The following AGAP3 variants were observed in gnomAD, a reference collection of about 807,000 sequenced individuals.
The protein encoded by AGAP3 is ArfGAP with GTPase domain, ankyrin repeat and PH domain 3.
In AGAP3, 24 loss-of-function variants were observed where a neutral mutation model predicts 96.9. The observed-to-expected ratio is 0.25, with a 90% CI of 0.18 to 0.35. The LOEUF (loss-of-function observed/expected upper bound fraction) is 0.35. AGAP3 is among the 10% of genes least tolerant of loss of function. The pLI is 1.00. For synonymous variants in AGAP3, 563 were observed against 536.1 expected (o/e 1.05, Z -0.69); for missense variants, 876 against 1,254.2 (o/e 0.70, Z 4.55).
intron 1 of AGAP3, among the ~76,000 whole-genome samples, chr7:151,111,190 C>T (rs1367237867): frequency 4.6e-5 from 7 of 152,168 alleles, no homozygotes; most frequent in African/African-American, 1.4e-4. Context: ...CCAGCCTTCC[C>T]AGCCACTGCC....
chr7:151,121,915 G>T (rs747697132), intron 8 of AGAP3, among the ~76,000 whole-genome samples: 4 of 152,190 alleles, frequency 2.6e-5, no homozygotes, highest in Non-Finnish European at 5.9e-5. Flanking sequence ...TCGAGGGCGA[G>T]CCCCTGTGTC....
chr7:151,114,521 C>T lies in AGAP3; in HGVS notation c.332-2272C>T, dbSNP rs1554465768. 6.6e-6 allele frequency among the ~76,000 whole-genome samples: 1 copy of T among 152,194 alleles called. No individual in the cohort carries two copies. Among genetic ancestry groups the T allele is most frequent in the Non-Finnish European group, 1.5e-5 (1 of 68,026 alleles). On this transcript the variant is annotated intron_variant, in intron 1 of 17. Coordinates refer to ENST00000397238, the MANE Select transcript of AGAP3 (RefSeq NM_031946.7). This position sits in a 1 kb window ranked among gnomAD's most constrained non-coding sequence, Gnocchi z 4.4. ...CCCAGGGGCTGCCCCAGCAGGCCGG[C>T]TCCCCCGCGCCGCGCCGCCGTTCCC... is the stretch of plus-strand genomic sequence containing the variant.
Position 151,089,549 on chromosome 7 carries a change from G to A in AGAP3, c.331+2477G>A, listed in dbSNP as rs74854821. On this transcript the variant is annotated intron_variant, in intron 1 of 17. Coordinates refer to ENST00000397238, the MANE Select transcript of AGAP3 (RefSeq NM_031946.7). ...TGTTTGTCCCAGCTCTGAAGGTGACGTGGGACCTGCGGTCAGGATCCATCT... is the reference window on the plus strand; with the variant it reads ...TGTTTGTCCCAGCTCTGAAGGTGACATGGGACCTGCGGTCAGGATCCATCT... 9.3e-3 allele frequency among the ~76,000 whole-genome samples: 1,416 copies of A among 152,306 alleles called. 22 individuals are homozygous for A. Among genetic ancestry groups the A allele is most frequent in the African/African-American group, 0.031 (1,304 of 41,556 alleles).
At chr7:151,115,550 G>T in intron 1 of AGAP3, 1 of 1,108,318 alleles carries the variant, frequency 9.0e-7, no homozygotes, top group Non-Finnish European at 1.1e-6. Flanking sequence ...GGCTGCTCAC[G>T]AGCCGCTTCC....
intron 8 of AGAP3, among the ~76,000 whole-genome samples, chr7:151,121,557 C>T (rs1483389993): frequency 6.6e-6 from 1 of 152,090 alleles, no homozygotes; most frequent in Non-Finnish European, 1.5e-5. Flanking sequence ...TTTCCCTGCC[C>T]TGCTACCCTC....
chr7:151,097,168 G>C (rs1190392486), intron 1 of AGAP3, among the ~76,000 whole-genome samples: 2 of 152,088 alleles, frequency 1.3e-5, no homozygotes, highest in Non-Finnish European at 2.9e-5. Flanking sequence ...ATTTAACCCA[G>C]TATATTCAAA....
intron 1 of AGAP3, among the ~76,000 whole-genome samples, chr7:151,102,774 C>G (rs183183986): frequency 1.4e-3 from 217 of 152,164 alleles, no homozygotes; most frequent in African/African-American, 4.9e-3. Flanking sequence ...CACCATCACA[C>G]CCAGCTAATT....
rs1323974139 is a variant in AGAP3, at chr7:151,140,081, C to T, written c.1769C>T (p.Thr590Ile). 4 of 1,602,934 alleles carry T rather than the reference C, an allele frequency of 2.5e-6. No individual in the cohort carries two copies. The highest frequency in any genetic ancestry group is 2.2e-5 in the South Asian group (2 of 88,952). Reference sequence around the variant, plus strand: ...CACCGGAGGAAAAAGAGCACCGGGACCCCCCGACCAGACGGCCCCAGCAGT... The same window carrying T: ...CACCGGAGGAAAAAGAGCACCGGGATCCCCCGACCAGACGGCCCCAGCAGT... Reference protein sequence around the residue: ...KKHRRKKSTGTPRPDGPSSAT... With the variant: ...KKHRRKKSTGIPRPDGPSSAT... Residue 590 changes from threonine (T) to isoleucine (I), a missense_variant, in exon 13 of 18, where the codon ACC (threonine) becomes ATC (isoleucine). Thr to Ile is a moderately conservative substitution (Grantham distance 89, BLOSUM62 -1). Transcript: ENST00000397238. The surrounding 1 kb of genome is among the most constrained non-coding windows in gnomAD (Gnocchi z 5.4).
chr7:151,143,419 A>G lies in AGAP3; in HGVS notation c.2352A>G (p.Pro784=). The G allele has an allele frequency of 1.2e-6, 2 of 1,614,198 alleles. No homozygotes were observed. The highest frequency in any genetic ancestry group is 1.7e-6 in the Non-Finnish European group (2 of 1,180,038). ...CCCCACTGCCAAGCTCAGATGTGCC[A>G]CTGGGGCAGCAGCTGCTCCGGGCCG... ...FLAPLPSSDV[P]LGQQLLRAVV... The change falls in exon 17 of 18, where the codon CCA becomes CCG. Residue 784 remains proline, a synonymous_variant. Coordinates refer to ENST00000397238, the MANE Select transcript of AGAP3 (RefSeq NM_031946.7). This position sits in a 1 kb window ranked among gnomAD's most constrained non-coding sequence, Gnocchi z 5.9.
In AGAP3 at chr7:151,143,685, A is replaced by G. The variant is rs1800910646; in HGVS notation, c.2530-52A>G. The G allele has an allele frequency of 6.8e-6, 11 of 1,610,682 alleles. No individual in the cohort carries two copies. The highest frequency in any genetic ancestry group is 1.7e-5 in the Admixed American group (1 of 59,912). ...CCTCTTCTTTCCTCCCCTACAACCA[A>G]TCTCTCTCCTCCCATGTCTTGCCAA... On this transcript the variant is annotated intron_variant, in intron 17 of 17. Coordinates refer to ENST00000397238, the MANE Select transcript of AGAP3 (RefSeq NM_031946.7). The surrounding 1 kb of genome is among the most constrained non-coding windows in gnomAD (Gnocchi z 5.9).
At chr7:151,129,709 C>T (rs1400606510) in intron 10 of AGAP3, among the ~76,000 whole-genome samples, 2 of 151,970 alleles carry the variant, frequency 1.3e-5, no homozygotes, top group Admixed American at 6.5e-5. Context: ...ACCTCCCCAC[C>T]GCGGGCACAG....
chr7:151,113,117 T>TTGAGAGAGAGAGG (rs1799369106), intron 1 of AGAP3, among the ~76,000 whole-genome samples: 2 of 152,178 alleles, frequency 1.3e-5, no homozygotes, highest in African/African-American at 4.8e-5. Flanking sequence ...TTCCCTGTTG[T>TTGAGAGAGAGAGG]GCGTGAGAGA....
chr7:151,088,876 C>T (rs543755468), intron 1 of AGAP3, among the ~76,000 whole-genome samples: 5 of 152,142 alleles, frequency 3.3e-5, no homozygotes, highest in Non-Finnish European at 7.4e-5. Flanking sequence ...CTCCCCTGAC[C>T]GACTTCTCCA....
Position 151,086,882 on chromosome 7 carries a change from CGGCCCCTCGCAGCAGCTGGCCGGCG to C in AGAP3, c.148_172del (p.Ser50ProfsTer32). 1 of 1,309,306 alleles carries C rather than the reference CGGCCCCTCGCAGCAGCTGGCCGGCG, an allele frequency of 7.6e-7. No homozygotes were observed. Among genetic ancestry groups the C allele is most frequent in the African/African-American group, 1.5e-5 (1 of 65,716 alleles). The allele number at this position is 1,309,306 out of a possible 1,614,324, so 81.1% of individuals were successfully genotyped here. On this transcript the variant is annotated frameshift_variant, in exon 1 of 18. Coordinates refer to ENST00000397238, the MANE Select transcript of AGAP3 (RefSeq NM_031946.7). LOFTEE classifies it high-confidence loss of function. ...CGGGGCCCGGGGCCGGGGGCGGCGG[CGGCCCCTCGCAGCAGCTGGCCGGCG>C]GGCCCCCCCAGCAGTTCGCGCTCTC...
chr7:151,094,339 C>G (rs1366853866), intron 1 of AGAP3, among the ~76,000 whole-genome samples: 1 of 152,104 alleles, frequency 6.6e-6, no homozygotes, highest in Non-Finnish European at 1.5e-5. Context: ...TGGTCAGACT[C>G]TGGGGTCGGC....
chr7:151,133,720 G>A lies in AGAP3; in HGVS notation c.1327-680G>A, dbSNP rs553739587. On this transcript the variant is annotated intron_variant, in intron 10 of 17. Transcript: ENST00000397238. The surrounding 1 kb of genome is among the most constrained non-coding windows in gnomAD (Gnocchi z 5.4). ...ACCTCCCTCAGGTGGTGAAGATTAC[G>A]CGAGGCTATACGTGGAATGTATAAA... Among the ~76,000 whole-genome samples, 1 of 152,156 alleles carries A rather than the reference G, an allele frequency of 6.6e-6. No homozygotes were observed. Among genetic ancestry groups the A allele is most frequent in the Non-Finnish European group, 1.5e-5 (1 of 68,048 alleles).
At chr7:151,106,343 A>T (rs2150434763) in intron 1 of AGAP3, among the ~76,000 whole-genome samples, 1 of 152,176 alleles carries the variant, frequency 6.6e-6, no homozygotes. Flanking sequence ...TAAATTATTT[A>T]TTTTTTTGAG....
At chr7:151,115,512 C>A in intron 1 of AGAP3, 1 of 1,030,626 alleles carries the variant, frequency 9.7e-7, no homozygotes, top group Non-Finnish European at 1.2e-6. Context: ...GGAGCCCGGC[C>A]GCCCCCGCAC....
At chr7:151,121,261 A>G (rs761170569) in intron 8 of AGAP3, among the ~76,000 whole-genome samples, 5 of 151,966 alleles carry the variant, frequency 3.3e-5, no homozygotes, top group African/African-American at 9.7e-5. Context: ...GGTCCGCCAC[A>G]CATTGCAGCT....
Sources: allele counts gnomAD v4.1 joint callset (sites outside exome capture counted in the v4.1 genomes callset), GRCh38; gene constraint gnomAD v4.1.1; non-coding constraint Gnocchi (gnomAD v3.1); transcripts MANE v1.5; gene names NCBI Gene and HGNC (gene_info 2026-07-23, HGNC 2026-07-21).